TPM4: variants seen among roughly 807,000 people sequenced by gnomAD.
TPM4 encodes tropomyosin alpha-4 chain.
A neutral mutation model predicts 35.8 loss-of-function variants in TPM4; 17 were observed. The ratio of observed to expected loss-of-function variants is 0.47; its 90% confidence interval spans 0.32 to 0.71. TPM4 has a LOEUF of 0.71. Among genes scored for constraint, TPM4 ranks in the 30% least tolerant of loss-of-function variants. The pLI is 0.03. For synonymous variants in TPM4, 120 were observed against 122.9 expected (o/e 0.98, Z 0.15); for missense variants, 240 against 320.9 (o/e 0.75, Z 1.93).
upstream of TPM4, chr19:16,076,176 C>A: frequency 5.1e-6 from 8 of 1,555,840 alleles, no homozygotes; most frequent in Non-Finnish European, 6.1e-6. Context: ...CTCCGACGTA[C>A]GTGTGCAGGG....
intron 7 of TPM4, chr19:16,100,574 A>G (rs1262506406): frequency 2.0e-5 from 3 of 152,236 alleles, no homozygotes; most frequent in African/African-American, 7.2e-5. Context: ...TATTCCCAGC[A>G]CTTTGGGAGG....
In TPM4 at chr19:16,082,045, A is replaced by C; in HGVS notation, c.265A>C (p.Arg89=). The C allele has an allele frequency of 6.3e-7, 1 of 1,598,320 alleles. No individual in the cohort carries two copies. The highest frequency in any genetic ancestry group is 8.6e-7 in the Non-Finnish European group (1 of 1,167,620). Residue 89 remains arginine, a splice_region_variant and synonymous_variant, in exon 2 of 8, where the codon AGA becomes CGA. Coordinates refer to ENST00000643579, the MANE Select transcript of TPM4 (RefSeq NM_003290.3). ...AGAAAAAGCTGCAGATGAGAGTGAG[A>C]GGTAAGGACGCTTTGAATCTGGTGG... The part of the protein sequence containing the change: ...EAEKAADESE[R]GMKVIENRAM...
At chr19:16,087,934 C>A in intron 3 of TPM4, 93 bp from the exon 4 acceptor site, 1 of 1,336,802 alleles carries the variant, frequency 7.5e-7, no homozygotes, top group Non-Finnish European at 1.1e-6. Context: ...GTCTAGGGGT[C>A]TGGGTGGGGC....
chr19:16,096,714 C>T (rs894804208), intron 7 of TPM4, among the ~76,000 whole-genome samples: 6 of 152,104 alleles, frequency 3.9e-5, no homozygotes, highest in African/African-American at 1.4e-4. Flanking sequence ...GAACGGGCCT[C>T]CATGAACAGG....
intron 5 of TPM4, among the ~76,000 whole-genome samples, chr19:16,091,545 C>G (rs148814942): frequency 1.4e-3 from 220 of 152,222 alleles, no homozygotes; most frequent in African/African-American, 4.7e-3. Flanking sequence ...GAAGCCGAGG[C>G]GGGAGGATCG....
At chr19:16,084,005 C>T (rs1257239544) in intron 2 of TPM4, among the ~76,000 whole-genome samples, 1 of 152,132 alleles carries the variant, frequency 6.6e-6, no homozygotes, top group African/African-American at 2.4e-5. Context: ...CAGCTCACTA[C>T]AAGCTTCACC....
chr19:16,078,830 T>TTAAA (rs572877651), intron 1 of TPM4, among the ~76,000 whole-genome samples: 2 of 126,406 alleles, frequency 1.6e-5, no homozygotes, highest in Non-Finnish European at 3.3e-5. Flanking sequence ...AGGGGTGGGT[T>TTAAA]AAAAAAAAAA....
upstream of TPM4, among the ~76,000 whole-genome samples, chr19:16,074,033 CAT>C (rs1416215175): frequency 9.7e-6 from 1 of 102,792 alleles, no homozygotes; most frequent in South Asian, 3.4e-4. Context: ...AAAAAAAAAA[CAT>C]ACACACACAC....
At position 16,101,440 on chromosome 19, in the gene TPM4, C is replaced by T. The variant is rs1313764965; in HGVS notation, c.*94C>T. The stretch of plus-strand genomic sequence containing the variant: ...AAGTTCCTTTTGTTATTGCCATCTT[C>T]GCTTTGCTGGAAATGTCAAGCAAAT... On this transcript the variant is annotated 3_prime_UTR_variant, in exon 8 of 8. Coordinates refer to ENST00000643579, the MANE Select transcript of TPM4 (RefSeq NM_003290.3). The T allele has an allele frequency of 1.4e-5, 13 of 914,456 alleles. No homozygotes were observed. Among genetic ancestry groups the T allele is most frequent in the Middle Eastern group, 3.6e-4 (1 of 2,772 alleles). 56.6% of individuals were successfully genotyped at this position (914,456 alleles called of 1,614,324 possible).
At chr19:16,091,963 C>G (rs1268846829) in intron 5 of TPM4, among the ~76,000 whole-genome samples, 3 of 151,536 alleles carry the variant, frequency 2.0e-5, no homozygotes, top group Non-Finnish European at 4.4e-5. Context: ...GTCAGGAGTT[C>G]GAGAGCAGCC....
At chr19:16,088,303 T>C in intron 4 of TPM4, 2 of 1,400,044 alleles carry the variant, frequency 1.4e-6, no homozygotes, top group Non-Finnish European at 1.9e-6. Context: ...TGCCCACGTG[T>C]TGACCCTTTC....
chr19:16,070,002 G>T lies in TPM4; in HGVS notation c.114+2264G>T, dbSNP rs1361727088. 6.6e-6 allele frequency among the ~76,000 whole-genome samples: 1 copy of T among 152,088 alleles called. No homozygotes were observed. Among genetic ancestry groups the T allele is most frequent in the Non-Finnish European group, 1.5e-5 (1 of 68,012 alleles). ...AATGGCACGGCATGTGTGTGTGTGT[G>T]TGTGGTGGGGGCCCAGGGCTGTGAC... On this transcript the variant is annotated intron_variant, in intron 2 of 2. Coordinates refer to the TPM4 transcript ENST00000589897. The surrounding 1 kb of genome is among the most constrained non-coding windows in gnomAD (Gnocchi z 7.4).
At chr19:16,078,635 G>A (rs368113508) in intron 1 of TPM4, among the ~76,000 whole-genome samples, 3 of 152,068 alleles carry the variant, frequency 2.0e-5, no homozygotes, top group Admixed American at 6.6e-5. Flanking sequence ...CAATTAACTC[G>A]GCTTCAAAAT....
chr19:16,080,534 G>T lies in TPM4; in HGVS notation c.133-1379G>T, dbSNP rs192629022. 311 of 190,840 alleles carry T rather than the reference G, an allele frequency of 1.6e-3. 1 individual carries two copies. Among genetic ancestry groups the T allele is most frequent in the African/African-American group, 6.6e-3 (284 of 43,032 alleles). The allele number at this position is 190,840 out of a possible 1,614,324, so 11.8% of individuals were successfully genotyped here. A position where few individuals can be genotyped will look rare whatever the true frequency, so the allele number is the denominator to read the frequency against. On this transcript the variant is annotated intron_variant, in intron 1 of 7. Coordinates refer to ENST00000643579, the MANE Select transcript of TPM4 (RefSeq NM_003290.3). ...CTGTGAAAATGACAAAGCACGGTCG[G>T]GCGCAGTGGCTCACGCCTGTAATCC...
intron 7 of TPM4, among the ~76,000 whole-genome samples, chr19:16,098,932 T>C (rs1188223776): frequency 1.3e-5 from 2 of 152,198 alleles, no homozygotes; most frequent in African/African-American, 4.8e-5. Context: ...ATCTCTGTTA[T>C]GAGGATTAAA....
At chr19:16,101,127 C>A in intron 7 of TPM4, 137 bp from the exon 8 acceptor site, 1 of 608,072 alleles carries the variant, frequency 1.6e-6, no homozygotes, top group Non-Finnish European at 2.7e-6. Flanking sequence ...GCCAAGATCG[C>A]GCCACTGCAC....
intron 2 of TPM4, among the ~76,000 whole-genome samples, chr19:16,085,120 G>C (rs1001099792): frequency 6.6e-6 from 1 of 152,098 alleles, no homozygotes; most frequent in African/African-American, 2.4e-5. Flanking sequence ...AGGCATGGTA[G>C]TGCATGCTGG....
upstream of TPM4, among the ~76,000 whole-genome samples, chr19:16,072,348 G>A (rs1052100298): frequency 7.2e-5 from 11 of 152,348 alleles, no homozygotes; most frequent in South Asian, 4.1e-4. Context: ...AGCTGTAGGC[G>A]TGGCGAAAGC....
Position 16,101,993 on chromosome 19 carries a change from A to G in TPM4, c.*647A>G, listed in dbSNP as rs1470634246. 4.6e-6 allele frequency: 1 copy of G among 216,604 alleles called. No homozygotes were observed. Among genetic ancestry groups the G allele is most frequent in the African/African-American group, 2.3e-5 (1 of 44,400 alleles). The allele number at this position is 216,604 out of a possible 1,614,324, so 13.4% of individuals were successfully genotyped here. A position where few individuals can be genotyped will look rare whatever the true frequency, so the allele number is the denominator to read the frequency against. On this transcript the variant is annotated 3_prime_UTR_variant, in exon 8 of 8. Transcript: ENST00000643579. ...ATAGTCATAATTACCCACATATAGT[A>G]ATTAATAGATGGTAATTAATTGATC...
Sources: allele counts gnomAD v4.1 joint callset (sites outside exome capture counted in the v4.1 genomes callset), GRCh38; gene constraint gnomAD v4.1.1; non-coding constraint Gnocchi (gnomAD v3.1); transcripts MANE v1.5; gene names NCBI Gene and HGNC (gene_info 2026-07-23, HGNC 2026-07-21).